Variants in PRRT4 observed in about 807,000 individuals in gnomAD.
PRRT4 encodes proline rich transmembrane protein 4, also known as proline-rich transmembrane protein 4.
PRRT4 carries 59 observed loss-of-function variants against 55.6 expected under a neutral mutation model. That is an observed-to-expected ratio of 1.06 (90% CI 0.86 to 1.32). The LOEUF (loss-of-function observed/expected upper bound fraction) is 1.32. PRRT4 is among the 40% of genes most tolerant of loss of function. The probability of loss-of-function intolerance (pLI) is 0.00; values close to 1 mark genes in which losing one functional copy is unlikely to be tolerated. For synonymous variants in PRRT4, 606 were observed against 601.8 expected, an observed-to-expected ratio of 1.01 and a Z score of -0.10; for missense variants, 1,217 against 1,222.0, an observed-to-expected ratio of 1.00 and a Z score of 0.06.
In PRRT4 at chr7:128,358,644, T is replaced by C; in HGVS notation, c.877+37A>G. 3.2e-6 allele frequency: 5 copies of C among 1,541,922 alleles called. No homozygotes were observed. The highest frequency in any genetic ancestry group is 4.4e-6 in the Non-Finnish European group (5 of 1,138,482). ...TGACTAGCATGTAGTAAGTGCTCAA[T>C]AAATAATTGTCAAGTTCAAATGAAT... On this transcript the variant is annotated intron_variant, in intron 4 of 4. Transcript: ENST00000535159. The surrounding 1 kb of genome is among the most constrained non-coding windows in gnomAD (Gnocchi z 4.4).
At chr7:128,360,031 T>C in exon 2 of PRRT4, 1 of 1,297,822 alleles carries the variant, frequency 7.7e-7, no homozygotes, top group Non-Finnish European at 9.9e-7. Flanking sequence ...GGGCAGGGAC[T>C]CAGTTGTTCA....
At chr7:128,360,105 C>T in intron 1 of PRRT4, 42 bp from the exon 3 acceptor site, 3 of 840,048 alleles carry the variant, frequency 3.6e-6, no homozygotes, top group Non-Finnish European at 3.2e-6. Flanking sequence ...CTGTGGCCCC[C>T]CTCTTCCCTT....
exon 5 of PRRT4, chr7:128,351,064 A>G (rs1796948423): frequency 1.9e-6 from 3 of 1,549,024 alleles, no homozygotes; most frequent in Non-Finnish European, 2.6e-6. Context: ...GAGGACGCAG[A>G]CCAGAGGGCA....
intron 4 of PRRT4, among the ~76,000 whole-genome samples, chr7:128,354,570 AACACAC>A (rs927167837): frequency 2.4e-5 from 2 of 83,486 alleles, no homozygotes; most frequent in African/African-American, 4.0e-5. Context: ...GCTCAAAAAA[AACACAC>A]ACACACACAC....
chr7:128,350,791 G>T, downstream of PRRT4: 1 of 1,531,244 alleles, frequency 6.5e-7, no homozygotes. Flanking sequence ...ATTACAGTGT[G>T]CAGGTCTCGG....
Position 128,358,177 on chromosome 7 carries a change from C to A in PRRT4, c.877+504G>T, listed in dbSNP as rs1436175286. Among the ~76,000 whole-genome samples the A allele has an allele frequency of 1.3e-5, 2 of 152,178 alleles. No individual in the cohort carries two copies. Reference sequence around the variant, plus strand: ...TCTTTCCTCGTACCACCAGCTTGTCCGTGTGCATGTTCTGAAAGGCTTTCT... The same window carrying A: ...TCTTTCCTCGTACCACCAGCTTGTCAGTGTGCATGTTCTGAAAGGCTTTCT... On this transcript the variant is annotated intron_variant, in intron 4 of 4. Coordinates refer to ENST00000535159, the Ensembl canonical transcript of PRRT4. This position sits in a 1 kb window ranked among gnomAD's most constrained non-coding sequence, Gnocchi z 4.4.
chr7:128,351,278 C>G, exon 5 of PRRT4: 1 of 1,541,016 alleles, frequency 6.5e-7, no homozygotes, highest in Non-Finnish European at 8.7e-7. Context: ...CGGTAGAGTC[C>G]GAGCCCAGGC....
downstream of PRRT4, chr7:128,350,636 G>T: frequency 1.5e-6 from 1 of 678,548 alleles, no homozygotes; most frequent in Non-Finnish European, 2.4e-6. Context: ...TAGATTTGCA[G>T]CTGAGGGCAT....
intron 4 of PRRT4, among the ~76,000 whole-genome samples, chr7:128,354,024 TAC>T (rs1797057724): frequency 6.6e-6 from 1 of 152,162 alleles, no homozygotes. Flanking sequence ...TGCCCTCACC[TAC>T]AGATTCAGCA....
chr7:128,350,663 A>T, downstream of PRRT4: 1 of 848,654 alleles, frequency 1.2e-6, no homozygotes, highest in Non-Finnish European at 1.8e-6. Context: ...CCAGGGCTCC[A>T]GAGAAGGTGG....
At position 128,360,074 on chromosome 7, in the gene PRRT4, G is replaced by C. The variant is rs182346840; in HGVS notation, c.-72-11C>G. 2 of 1,150,900 alleles carry C rather than the reference G, an allele frequency of 1.7e-6. No homozygotes were observed. The highest frequency in any genetic ancestry group is 3.2e-5 in the African/African-American group (2 of 62,806). 71.3% of individuals were successfully genotyped at this position (1,150,900 alleles called of 1,614,324 possible). On this transcript the variant is annotated splice_polypyrimidine_tract_variant and intron_variant, in intron 1 of 4. Transcript: ENST00000535159. ...TTGAGGAGGAAGGTCCTGGAGAGAG[G>C]AGAGGCCCTGTGAGCCCTGGCTGTG...
At chr7:128,351,792 T>C (rs1255230368) in exon 5 of PRRT4, 15 of 1,421,648 alleles carry the variant, frequency 1.1e-5, no homozygotes, top group Admixed American at 3.1e-5. Context: ...CCAGGCCGGA[T>C]TGGCCGCCGT....
At chr7:128,356,928 G>A (rs1222271347) in intron 4 of PRRT4, among the ~76,000 whole-genome samples, 3 of 152,190 alleles carry the variant, frequency 2.0e-5, no homozygotes, top group Admixed American at 6.5e-5. Flanking sequence ...TGGCACAGGT[G>A]CCAGCCAATC....
At chr7:128,350,892 G>T in exon 5 of PRRT4, 1 of 1,550,886 alleles carries the variant, frequency 6.4e-7, no homozygotes. Context: ...CGCTCAGCTC[G>T]TCGATCTGTC....
chr7:128,359,050 G>C (rs1464181990), intron 3 of PRRT4, 99 bp downstream of exon 4: 1 of 1,330,720 alleles, frequency 7.5e-7, no homozygotes, highest in Non-Finnish European at 1.1e-6. Context: ...AAGAAGCAAT[G>C]CAAGAAAGTA....
downstream of PRRT4, chr7:128,350,808 C>G (rs1156401907): frequency 4.5e-6 from 7 of 1,540,918 alleles, no homozygotes; most frequent in Admixed American, 7.9e-5. Context: ...TCGGGCAGGG[C>G]AGGCGCCAGA....
exon 5 of PRRT4, chr7:128,352,444 C>T: frequency 6.5e-7 from 1 of 1,538,752 alleles, no homozygotes. Flanking sequence ...GAAGAGCGCG[C>T]CTACCCCGTA....
At position 128,351,521 on chromosome 7, in the gene PRRT4, C is replaced by A. The variant is rs927644933; in HGVS notation, c.2035G>T (p.Ala679Ser). 1.3e-6 allele frequency: 2 copies of A among 1,491,116 alleles called. No homozygotes were observed. Among genetic ancestry groups the A allele is most frequent in the Non-Finnish European group, 1.8e-6 (2 of 1,124,070 alleles). 92.4% of individuals were successfully genotyped at this position (1,491,116 alleles called of 1,614,324 possible). ...AGGTCTGGGCCTGGCCCTGCCAGCG[C>A]GCACAGCTGCAGCAGCTCCGCGTCC... is the stretch of plus-strand genomic sequence containing the variant. Residue 679 changes from alanine to serine, a missense_variant, in exon 5 of 5, where the codon GCG becomes TCG. Physicochemically the swap from Ala to Ser is moderately conservative, Grantham distance 99. Around this residue, in one of 3 missense-constraint regions of PRRT4, gnomAD observed 642 missense variants for 600.9 expected, o/e 1.07. Transcript: ENST00000535159.
exon 5 of PRRT4, chr7:128,351,302 A>G: frequency 6.5e-7 from 1 of 1,543,812 alleles, no homozygotes. Flanking sequence ...GCGTCCTCGA[A>G]GGCAGGGCCC....
Sources: gnomAD v4.1 joint callset for allele counts (sites outside exome capture counted in the v4.1 genomes callset) on GRCh38, gnomAD v4.1.1 for gene constraint, gnomAD v4.1.1 regional missense constraint, Gnocchi (gnomAD v3.1) non-coding constraint, MANE v1.5 for transcripts, NCBI Gene and HGNC (gene_info 2026-07-23, HGNC 2026-07-21) for gene names.